Variants in BTBD7 observed in about 807,000 individuals in gnomAD.
BTBD7 encodes BTB/POZ domain-containing protein 7.
A neutral mutation model predicts 99.9 loss-of-function variants in BTBD7; 38 were observed. The observed-to-expected ratio is 0.38, with a 90% CI of 0.29 to 0.50. The LOEUF is 0.50. BTBD7 is among the 20% of genes least tolerant of loss of function. BTBD7 has a pLI of 0.93. For synonymous variants in BTBD7, 520 were observed against 511.4 expected (o/e 1.02, Z -0.23); for missense variants, 1,170 against 1,394.6 (o/e 0.84, Z 2.57).
Position 93,294,696 on chromosome 14 carries a change from T to C in BTBD7, c.324A>G (p.Thr108=). 1 of 1,614,174 alleles carries C rather than the reference T, an allele frequency of 6.2e-7. No homozygotes were observed. Among genetic ancestry groups the C allele is most frequent in the South Asian group, 1.1e-5 (1 of 91,074 alleles). ...VNALVEEYEG[T]SALKELSLQA... ...GTAGAGAAAGCTCCTTTAATGCTGA[T>C]GTTCCCTCATATTCCTCCACTAATG... The change falls in exon 3 of 11, where the codon ACA becomes ACG. Residue 108 remains threonine (T), a synonymous_variant. Coordinates refer to ENST00000334746, the MANE Select transcript of BTBD7 (RefSeq NM_001002860.4).
In BTBD7 at chr14:93,317,521, A is replaced by C. The variant is rs148710120; in HGVS notation, c.-107+15299T>G. Among the ~76,000 whole-genome samples, 49 of 152,300 alleles carry C rather than the reference A, an allele frequency of 3.2e-4. 1 individual carries two copies. Among genetic ancestry groups the C allele is most frequent in the African/African-American group, 1.2e-3 (48 of 41,560 alleles). On this transcript the variant is annotated intron_variant, in intron 1 of 10. Coordinates refer to ENST00000334746, the MANE Select transcript of BTBD7 (RefSeq NM_001002860.4). ...TACCACACCCAGCTAATCTTGATACATTAGGAAAGAAAACAACGGTGGAGA... is the reference window on the plus strand; with the variant it reads ...TACCACACCCAGCTAATCTTGATACCTTAGGAAAGAAAACAACGGTGGAGA...
intron 1 of BTBD7, among the ~76,000 whole-genome samples, chr14:93,310,253 A>T (rs537808059): frequency 6.6e-6 from 1 of 152,242 alleles, no homozygotes; most frequent in Non-Finnish European, 1.5e-5. Context: ...ACAGACTATC[A>T]TATCTAAAAT....
rs1010988063 is a variant in BTBD7 at position 93,239,296 on chromosome 14, C to T, written c.*2977G>A. On this transcript the variant is annotated 3_prime_UTR_variant, in exon 11 of 11. Coordinates refer to ENST00000334746, the MANE Select transcript of BTBD7 (RefSeq NM_001002860.4). ...ACGGTAGGTCTCTAACCTCAACGCACAGCGGGCACTGGAAGCGGTGATTGT... is the reference window on the plus strand; with the variant it reads ...ACGGTAGGTCTCTAACCTCAACGCATAGCGGGCACTGGAAGCGGTGATTGT... The T allele has an allele frequency of 5.2e-5, 8 of 152,580 alleles. No individual in the cohort carries two copies. Among genetic ancestry groups the T allele is most frequent in the African/African-American group, 1.9e-4 (8 of 41,430 alleles). The allele number at this position is 152,580 out of a possible 1,614,324, so 9.5% of individuals were successfully genotyped here.
chr14:93,288,551 A>T, intron 3 of BTBD7: 1 of 798,946 alleles, frequency 1.3e-6, no homozygotes, highest in Non-Finnish European at 2.3e-6. Flanking sequence ...TGCTTCCTCC[A>T]GGACTTTGTT....
chr14:93,290,660 G>C (rs1297725173), intron 3 of BTBD7, among the ~76,000 whole-genome samples: 1 of 151,602 alleles, frequency 6.6e-6, no homozygotes, highest in Admixed American at 6.6e-5. Context: ...TGGGATTACA[G>C]GTGTGTGCCA....
At chr14:93,296,366 C>T (rs1245951734) in intron 1 of BTBD7, among the ~76,000 whole-genome samples, 1 of 152,114 alleles carries the variant, frequency 6.6e-6, no homozygotes, top group Non-Finnish European at 1.5e-5. Flanking sequence ...CAATTATATA[C>T]TTTCTAAGTC....
chr14:93,242,257 G>T lies in BTBD7; in HGVS notation c.*16C>A, dbSNP rs780275795. On this transcript the variant is annotated 3_prime_UTR_variant, in exon 11 of 11. Coordinates refer to ENST00000334746, the MANE Select transcript of BTBD7 (RefSeq NM_001002860.4). The stretch of plus-strand genomic sequence containing the variant: ...GATGTTTCACATCTCAGGCACAGAC[G>T]ACTTGGAGGTTGCTCTCAGAGGGCA... The T allele has an allele frequency of 7.5e-6, 12 of 1,606,148 alleles. No homozygotes were observed. The highest frequency in any genetic ancestry group is 6.7e-5 in the African/African-American group (5 of 74,684).
chr14:93,320,121 A>G (rs950585540), intron 1 of BTBD7, among the ~76,000 whole-genome samples: 67 of 152,320 alleles, frequency 4.4e-4, no homozygotes, highest in African/African-American at 1.6e-3. Context: ...AAAAAGGTTC[A>G]GAGAAATGAG....
At chr14:93,327,571 T>G (rs2053347905) in intron 1 of BTBD7, among the ~76,000 whole-genome samples, 2 of 152,338 alleles carry the variant, frequency 1.3e-5, no homozygotes, top group South Asian at 4.1e-4. Context: ...ACAAATGATT[T>G]TTCTTAAAAT....
chr14:93,328,813 G>A (rs1326094792), intron 1 of BTBD7, among the ~76,000 whole-genome samples: 2 of 152,026 alleles, frequency 1.3e-5, no homozygotes. Flanking sequence ...AGCTGTTCGG[G>A]AGGCTGAGAT....
At chr14:93,251,749 T>C in intron 7 of BTBD7, 97 bp from the exon 8 acceptor site, 1 of 1,077,712 alleles carries the variant, frequency 9.3e-7, no homozygotes, top group Non-Finnish European at 1.2e-6. Context: ...AAAAAGGGAA[T>C]TAATTTATTT....
rs911969539 is a variant in BTBD7 at position 93,332,986 on chromosome 14, G to C, written c.-273C>G. On this transcript the variant is annotated 5_prime_UTR_variant, in exon 1 of 11. Transcript: ENST00000334746. ...CTCTCCTGTCAGTGGCTCAGGCTCC[G>C]GGACTGCTCCAGGTTCCCCTCGCCG... The C allele has an allele frequency of 3.4e-6, 2 of 582,956 alleles. No homozygotes were observed. The highest frequency in any genetic ancestry group is 2.4e-5 in the South Asian group (1 of 40,912). The allele number at this position is 582,956 out of a possible 1,614,324, so 36.1% of individuals were successfully genotyped here. A position where few individuals can be genotyped will look rare whatever the true frequency, so the allele number is the denominator to read the frequency against.
intron 1 of BTBD7, among the ~76,000 whole-genome samples, chr14:93,300,772 G>GTGTGTGTGTGTA (rs1438410480): frequency 3.7e-4 from 25 of 67,858 alleles, no homozygotes; most frequent in East Asian, 2.7e-3. Context: ...GTGTGTGTGT[G>GTGTGTGTGTGTA]TATATATATA....
intron 1 of BTBD7, among the ~76,000 whole-genome samples, chr14:93,300,704 TTGTGTGTGTGTGTGTGTGTGTGTG>T (rs57228905): frequency 0.014 from 1,179 of 87,084 alleles, 50 homozygotes; most frequent in Middle Eastern, 0.029. Context: ...CCCAGCTAAT[TTGTGTGTGTGTGTGTGTGTGTGTG>T]TGTGTGTGTG....
At chr14:93,274,913 T>C (rs1043293396) in intron 3 of BTBD7, among the ~76,000 whole-genome samples, 2 of 152,196 alleles carry the variant, frequency 1.3e-5, no homozygotes, top group Admixed American at 1.3e-4. Context: ...TTAAAAAAAT[T>C]ATTGAGCTTT....
intron 4 of BTBD7, among the ~76,000 whole-genome samples, chr14:93,262,996 T>TGAGTGTA (rs1555389076): frequency 6.6e-6 from 1 of 152,222 alleles, no homozygotes; most frequent in Non-Finnish European, 1.5e-5. Context: ...GCACAGATGC[T>TGAGTGTA]GAGTGTATTA....
intron 1 of BTBD7, among the ~76,000 whole-genome samples, chr14:93,320,045 C>A (rs2053252889): frequency 6.6e-6 from 1 of 152,166 alleles, no homozygotes; most frequent in Admixed American, 6.5e-5. Context: ...AAAGAGGAAA[C>A]TGAACTGCAA....
chr14:93,260,036 G>A (rs1469852060), intron 5 of BTBD7, among the ~76,000 whole-genome samples: 1 of 152,114 alleles, frequency 6.6e-6, no homozygotes, highest in Non-Finnish European at 1.5e-5. Context: ...AATTGCTAAA[G>A]GTTTTTGCCA....
intron 8 of BTBD7, among the ~76,000 whole-genome samples, chr14:93,249,056 G>A (rs1024476706): frequency 6.6e-6 from 1 of 151,992 alleles, no homozygotes; most frequent in Non-Finnish European, 1.5e-5. Flanking sequence ...AATGAAACAC[G>A]ATTCCTCTTC....
Sources: allele counts gnomAD v4.1 joint callset (sites outside exome capture counted in the v4.1 genomes callset), GRCh38; gene constraint gnomAD v4.1.1; transcripts MANE v1.5; gene names NCBI Gene and HGNC (gene_info 2026-07-23, HGNC 2026-07-21).